ZNF804B: variants seen among roughly 807,000 people sequenced by gnomAD.
ZNF804B encodes the protein zinc finger 804B.
ZNF804B carries 80 observed loss-of-function variants against 101.4 expected under a neutral mutation model. The observed-to-expected ratio is 0.79, with a 90% CI of 0.66 to 0.95. The LOEUF is 0.95. Among genes scored for constraint, ZNF804B ranks in the 40% least tolerant of loss-of-function variants. ZNF804B has a pLI of 0.00. For synonymous variants in ZNF804B, 622 were observed against 558.8 expected (o/e 1.11, Z -1.59); for missense variants, 1,673 against 1,561.9 (o/e 1.07, Z -1.20).
At chr7:89,165,997 G>A (rs898898278) in intron 1 of ZNF804B, among the ~76,000 whole-genome samples, 1 of 152,038 alleles carries the variant, frequency 6.6e-6, no homozygotes, top group Non-Finnish European at 1.5e-5. Context: ...TTGTATATAA[G>A]TTTTATATTA....
chr7:88,983,261 T>C (rs1157393679), intron 1 of ZNF804B, among the ~76,000 whole-genome samples: 1 of 152,074 alleles, frequency 6.6e-6, no homozygotes, highest in Non-Finnish European at 1.5e-5. Context: ...TCAAGTGATA[T>C]GTGTGCCCAT....
chr7:88,766,919 T>C (rs540301095), intron 1 of ZNF804B, among the ~76,000 whole-genome samples: 2 of 152,320 alleles, frequency 1.3e-5, no homozygotes, highest in South Asian at 4.1e-4. Context: ...TCTTTGACAA[T>C]TGGCAATTTC....
chr7:88,984,839 T>C (rs932399682), intron 1 of ZNF804B, among the ~76,000 whole-genome samples: 3 of 152,086 alleles, frequency 2.0e-5, no homozygotes, highest in Admixed American at 6.6e-5. Flanking sequence ...ATATCCCTGA[T>C]TCAATGGTAA....
intron 2 of ZNF804B, among the ~76,000 whole-genome samples, chr7:89,315,322 A>G (rs1790708372): frequency 6.6e-6 from 1 of 152,156 alleles, no homozygotes; most frequent in South Asian, 2.1e-4. Context: ...TGGGGATTAT[A>G]ATTCAACATA....
chr7:89,295,484 A>G (rs1022386036), intron 2 of ZNF804B, among the ~76,000 whole-genome samples: 1 of 152,128 alleles, frequency 6.6e-6, no homozygotes, highest in Non-Finnish European at 1.5e-5. Flanking sequence ...GTTTTTCTCC[A>G]AATCTCTTTT....
At chr7:88,832,648 A>AT (rs904271600) in intron 1 of ZNF804B, among the ~76,000 whole-genome samples, 2 of 151,752 alleles carry the variant, frequency 1.3e-5, no homozygotes, top group Non-Finnish European at 2.9e-5. Flanking sequence ...AATAGATTTG[A>AT]TTTTTTTATG....
chr7:88,790,906 C>T (rs1240327743), intron 1 of ZNF804B, among the ~76,000 whole-genome samples: 1 of 151,776 alleles, frequency 6.6e-6, no homozygotes, highest in Non-Finnish European at 1.5e-5. Context: ...TCAAATGTAC[C>T]CAAACATACA....
intron 1 of ZNF804B, among the ~76,000 whole-genome samples, chr7:88,776,532 G>T (rs1156426420): frequency 1.4e-5 from 2 of 142,220 alleles, no homozygotes; most frequent in African/African-American, 5.2e-5. Context: ...TACATTTGTA[G>T]TGGCTTTTCT....
intron 1 of ZNF804B, among the ~76,000 whole-genome samples, chr7:89,083,174 A>C (rs1562879706): frequency 6.6e-6 from 1 of 151,758 alleles, no homozygotes; most frequent in Non-Finnish European, 1.5e-5. Flanking sequence ...ACTGCCACAA[A>C]ATTTGAAATT....
Position 89,327,349 on chromosome 7 carries a change from G to A in ZNF804B, c.255G>A (p.Leu85=), listed in dbSNP as rs985358762. ...GGTTTTTCTTCTTTTTCAAGAGACT[G>A]AAAGAATTAAAGCAACGGGAATTTG... ...NSYDHAHKQR[L]KELKQREFAR... The change falls in exon 3 of 4, where the codon CTG becomes CTA. Residue 85 remains leucine, a synonymous_variant. Coordinates refer to ENST00000333190, the MANE Select transcript of ZNF804B (RefSeq NM_181646.5). The A allele has an allele frequency of 2.5e-6, 4 of 1,596,402 alleles. No individual in the cohort carries two copies. Among genetic ancestry groups the A allele is most frequent in the Non-Finnish European group, 3.4e-6 (4 of 1,174,594 alleles).
chr7:88,846,299 A>G (rs1791372355), intron 1 of ZNF804B, among the ~76,000 whole-genome samples: 1 of 152,206 alleles, frequency 6.6e-6, no homozygotes, highest in African/African-American at 2.4e-5. Flanking sequence ...TATTGAACTG[A>G]GTAGAAAAAA....
At chr7:89,271,537 TG>T in intron 2 of ZNF804B, among the ~76,000 whole-genome samples, 1 of 152,168 alleles carries the variant, frequency 6.6e-6, no homozygotes, top group African/African-American at 2.4e-5. Flanking sequence ...TTTTTTTTGT[TG>T]TTGTGTCTCT....
intron 1 of ZNF804B, among the ~76,000 whole-genome samples, chr7:89,139,160 A>T (rs1194657574): frequency 6.6e-6 from 1 of 152,142 alleles, no homozygotes; most frequent in Non-Finnish European, 1.5e-5. Flanking sequence ...TGTTTACACT[A>T]TGCTGTAGTC....
In ZNF804B at chr7:88,759,724, G is replaced by A; in HGVS notation, c.-253G>A. The A allele has an allele frequency of 1.9e-6, 1 of 526,972 alleles. No individual in the cohort carries two copies. The highest frequency in any genetic ancestry group is 5.3e-4 in the Middle Eastern group (1 of 1,888). The allele number at this position is 526,972 out of a possible 1,614,324, so 32.6% of individuals were successfully genotyped here. A position where few individuals can be genotyped will look rare whatever the true frequency, so the allele number is the denominator to read the frequency against. ...CAGCCACCTCGTCAGAGCAGCATGT[G>A]GACTGGCTCGCCGGGTCCCCTCCGT... On this transcript the variant is annotated 5_prime_UTR_variant, in exon 1 of 4. It introduces an in-frame stop codon into an upstream open reading frame of the 5' UTR. Transcript: ENST00000333190.
chr7:89,179,604 G>A (rs1057462853), intron 1 of ZNF804B, among the ~76,000 whole-genome samples: 12 of 152,062 alleles, frequency 7.9e-5, no homozygotes, highest in African/African-American at 2.7e-4. Context: ...CTGCCTGAAA[G>A]GTCACATATT....
intron 1 of ZNF804B, among the ~76,000 whole-genome samples, chr7:89,008,515 T>G (rs1788404373): frequency 6.6e-6 from 1 of 152,176 alleles, no homozygotes; most frequent in Non-Finnish European, 1.5e-5. Context: ...ACACATTTCT[T>G]ACCAGGTCTT....
chr7:89,179,862 G>A (rs74823819), intron 1 of ZNF804B, among the ~76,000 whole-genome samples: 1 of 152,084 alleles, frequency 6.6e-6, no homozygotes, highest in Admixed American at 6.6e-5. Flanking sequence ...TGCATTAGAG[G>A]GTGCCCCAAG....
At chr7:88,853,503 G>A (rs903867136) in intron 1 of ZNF804B, among the ~76,000 whole-genome samples, 1 of 152,110 alleles carries the variant, frequency 6.6e-6, no homozygotes, top group African/African-American at 2.4e-5. Flanking sequence ...AGTGGTCATT[G>A]AAAGATAGCT....
chr7:89,063,883 A>G (rs1053423223), intron 1 of ZNF804B, among the ~76,000 whole-genome samples: 1 of 152,178 alleles, frequency 6.6e-6, no homozygotes, highest in Non-Finnish European at 1.5e-5. Context: ...CAGCCAGTGG[A>G]GAAATCAGAC....
Sources: gnomAD v4.1 joint callset for allele counts (sites outside exome capture counted in the v4.1 genomes callset) on GRCh38, gnomAD v4.1.1 for gene constraint, MANE v1.5 for transcripts, NCBI Gene and HGNC (gene_info 2026-07-23, HGNC 2026-07-21) for gene names.